Variants in SYT12 observed in about 807,000 individuals in gnomAD.
SYT12 encodes synaptotagmin 12.
SYT12 carries 27 observed loss-of-function variants against 39.5 expected under a neutral mutation model. The observed-to-expected ratio is 0.68, with a 90% CI of 0.50 to 0.94. The LOEUF (loss-of-function observed/expected upper bound fraction) is 0.94, where lower values mean the gene tolerates loss of function less well. SYT12 is among the 40% of genes least tolerant of loss of function. The pLI is 0.00. For missense variants in SYT12, 536 were observed against 572.6 expected (o/e 0.94, Z 0.65); for synonymous variants, 233 against 239.7 (o/e 0.97, Z 0.26).
chr11:67,011,612 T>C (rs1950013885), intron 3 of SYT12, among the ~76,000 whole-genome samples: 1 of 152,146 alleles, frequency 6.6e-6, no homozygotes, highest in Admixed American at 6.6e-5. Flanking sequence ...CTTTCCACAC[T>C]GGGTCTGAGG....
At chr11:67,035,779 C>T (rs1339405455) in intron 3 of SYT12, among the ~76,000 whole-genome samples, 1 of 142,740 alleles carries the variant, frequency 7.0e-6, no homozygotes, top group South Asian at 2.2e-4. Flanking sequence ...CTTTTCTTTT[C>T]TTTTCTTTTC....
chr11:67,035,463 T>C (rs1020296773), intron 3 of SYT12, among the ~76,000 whole-genome samples: 2 of 144,576 alleles, frequency 1.4e-5, no homozygotes, highest in Non-Finnish European at 3.1e-5. Flanking sequence ...CTTTTCTTTT[T>C]TTTTTTTTTT....
At chr11:67,035,829 CCTTCCTTCCTTT>C (rs1476314674) in intron 3 of SYT12, among the ~76,000 whole-genome samples, 20 of 99,852 alleles carry the variant, frequency 2.0e-4, no homozygotes, top group African/African-American at 8.1e-4. Context: ...TTCCTTCCTT[CCTTCCTTCCTTT>C]CTTTCTTTCT....
chr11:67,039,729 C>T, intron 3 of SYT12, 82 bp from the exon 4 acceptor site: 1 of 1,491,694 alleles, frequency 6.7e-7, no homozygotes, highest in Non-Finnish European at 9.0e-7. Flanking sequence ...AATGAACAGG[C>T]CTTACTCATC....
intron 1 of SYT12, among the ~76,000 whole-genome samples, chr11:67,024,383 A>C (rs1950153194): frequency 6.6e-6 from 1 of 152,174 alleles, no homozygotes; most frequent in South Asian, 2.1e-4. Context: ...ACAAGTCCCC[A>C]AGCCCCCAGC....
chr11:67,022,126 G>C (rs1395133147), upstream of SYT12, among the ~76,000 whole-genome samples: 1 of 151,970 alleles, frequency 6.6e-6, no homozygotes, highest in Non-Finnish European at 1.5e-5. Flanking sequence ...GTGTTAGCCA[G>C]ATGCAACTCT....
chr11:67,013,309 C>T (rs1004887004), intron 3 of SYT12, among the ~76,000 whole-genome samples: 1 of 152,210 alleles, frequency 6.6e-6, no homozygotes, highest in Non-Finnish European at 1.5e-5. Flanking sequence ...CCTGGCCATG[C>T]AAGCTCTTGT....
intron 3 of SYT12, among the ~76,000 whole-genome samples, chr11:67,037,549 A>AAAAT (rs34631289): frequency 0.14 from 21,023 of 145,768 alleles, 1,976 homozygotes; most frequent in Admixed American, 0.28. Flanking sequence ...CATCTCTACC[A>AAAAT]AAATAAATAA....
chr11:67,037,083 T>TAAAA (rs1555066546), intron 3 of SYT12, among the ~76,000 whole-genome samples: 1 of 151,218 alleles, frequency 6.6e-6, no homozygotes, highest in East Asian at 2.0e-4. Flanking sequence ...TCAAACAAAA[T>TAAAA]AAAACAAAAC....
intron 1 of SYT12, among the ~76,000 whole-genome samples, chr11:67,008,360 T>C (rs1949987604): frequency 6.6e-6 from 1 of 152,184 alleles, no homozygotes; most frequent in South Asian, 2.1e-4. Flanking sequence ...ATCCCACCTC[T>C]GTCACCTGCT....
chr11:67,041,341 C>A (rs1950509358), intron 4 of SYT12, among the ~76,000 whole-genome samples: 1 of 152,024 alleles, frequency 6.6e-6, no homozygotes, highest in Non-Finnish European at 1.5e-5. Flanking sequence ...GCATGTGGTG[C>A]ACACCTGTAA....
At chr11:67,033,843 G>A (rs187246935) in intron 2 of SYT12, among the ~76,000 whole-genome samples, 3 of 152,316 alleles carry the variant, frequency 2.0e-5, no homozygotes, top group East Asian at 3.9e-4. Flanking sequence ...GTCCTGCTGC[G>A]TGCCAAGCGC....
chr11:67,039,863 G>A lies in SYT12; in HGVS notation c.281G>A (p.Arg94His), dbSNP rs34985365. 113 of 1,613,146 alleles carry A rather than the reference G, an allele frequency of 7.0e-5. No homozygotes were observed. The highest frequency in any genetic ancestry group is 6.3e-4 in the African/African-American group (47 of 74,898). Residue 94 changes from arginine to histidine, a missense_variant, in exon 4 of 8, where the codon CGC becomes CAC. By Grantham distance (29) the Arg-to-His change is conservative (BLOSUM62 0). Coordinates refer to ENST00000527043, the MANE Select transcript of SYT12 (RefSeq NM_177963.4). ...GCCAGCACGCGGGGACCACCCAGCCGCAAAGGCAGTCTCAGCATTGAGGAC... is the reference window on the plus strand; with the variant it reads ...GCCAGCACGCGGGGACCACCCAGCCACAAAGGCAGTCTCAGCATTGAGGAC... Reference protein sequence around the residue: ...QRASTRGPPSRKGSLSIEDTF... With the variant: ...QRASTRGPPSHKGSLSIEDTF...
chr11:67,023,943 A>G (rs1033805737), intron 1 of SYT12, among the ~76,000 whole-genome samples: 5 of 151,538 alleles, frequency 3.3e-5, no homozygotes, highest in Admixed American at 3.3e-4. Flanking sequence ...GGCCGTGTGA[A>G]GAGCCAGATA....
Position 67,039,984 on chromosome 11 carries a change from C to T in SYT12, c.402C>T (p.Ala134=), listed in dbSNP as rs779996313. Residue 134 remains alanine (A), a synonymous_variant, in exon 4 of 8, where the codon GCC becomes GCT. Coordinates refer to ENST00000527043, the MANE Select transcript of SYT12 (RefSeq NM_177963.4). ...GGACCCTCCGGAAGTCCCAGTCGGC[C>T]GACTCCCTGAACTCCATCTCCTCCG... ...PYGTLRKSQS[A]DSLNSISSVS... is the part of the protein sequence containing the mutation. 11 of 1,613,754 alleles carry T rather than the reference C, an allele frequency of 6.8e-6. 1 individual carries two copies. Among genetic ancestry groups the T allele is most frequent in the Middle Eastern group, 3.3e-4 (2 of 6,062 alleles).
At chr11:67,029,929 G>T in intron 1 of SYT12, 193 bp from the exon 2 acceptor site, 1 of 527,480 alleles carries the variant, frequency 1.9e-6, no homozygotes, top group East Asian at 3.2e-5. Flanking sequence ...GCAATCCTGA[G>T]AAGAGTCTTA....
exon 1 of SYT12, chr11:67,006,948 A>G (rs1949974830): frequency 6.6e-6 from 1 of 152,218 alleles, no homozygotes; most frequent in Non-Finnish European, 1.5e-5. Flanking sequence ...TTTTTGTTAA[A>G]GCCACCTCTG....
chr11:67,007,780 A>T (rs12274897), intron 1 of SYT12, among the ~76,000 whole-genome samples: 5,387 of 150,872 alleles, frequency 0.036, 315 homozygotes, highest in African/African-American at 0.12. Flanking sequence ...GCCAGCCTGG[A>T]CTTGAACTCC....
At chr11:67,034,562 C>T in intron 2 of SYT12, 83 bp from the exon 3 acceptor site, 2 of 1,248,400 alleles carry the variant, frequency 1.6e-6, no homozygotes, top group South Asian at 1.5e-5. Flanking sequence ...AATATCCATT[C>T]AATGTAGAAG....
Sources: gnomAD v4.1 joint callset for allele counts (sites outside exome capture counted in the v4.1 genomes callset) on GRCh38, gnomAD v4.1.1 for gene constraint, MANE v1.5 for transcripts, NCBI Gene and HGNC (gene_info 2026-07-23, HGNC 2026-07-21) for gene names.